Variants in YBEY observed in about 807,000 individuals in gnomAD.
YBEY encodes the protein endoribonuclease YbeY.
A neutral mutation model predicts 13.5 loss-of-function variants in YBEY; 15 were observed. The ratio of observed to expected loss-of-function variants is 1.11; its 90% confidence interval spans 0.75 to 1.72. YBEY has a LOEUF of 1.72. Ranked by LOEUF, YBEY falls within the 40% of genes most tolerant of loss-of-function variation. YBEY has a pLI of 0.00. For synonymous variants in YBEY, 101 were observed against 83.1 expected, an observed-to-expected ratio of 1.21 and a Z score of -1.17; for missense variants, 244 against 208.4, an observed-to-expected ratio of 1.17 and a Z score of -1.05.
At chr21:46,288,150 T>C (rs919144560) in intron 2 of YBEY, among the ~76,000 whole-genome samples, 2 of 152,224 alleles carry the variant, frequency 1.3e-5, no homozygotes, top group Non-Finnish European at 2.9e-5. Context: ...TTAATGAATA[T>C]GTGCACATTG....
At chr21:46,295,605 C>G (rs1337386335) in intron 3 of YBEY, among the ~76,000 whole-genome samples, 4 of 152,042 alleles carry the variant, frequency 2.6e-5, no homozygotes, top group Non-Finnish European at 5.9e-5. Context: ...TCCTGACTCA[C>G]CAGCAGCTGC....
At chr21:46,307,448 CCA>C in the YBEY span, among the ~76,000 whole-genome samples, 1,234 of 151,972 alleles carry the variant, frequency 8.1e-3, 19 homozygotes, top group African/African-American at 0.028. Flanking sequence ...ACACACACAC[CCA>C]CACACACACC....
chr21:46,304,800 C>T, the YBEY span, among the ~76,000 whole-genome samples: 7,428 of 152,212 alleles, frequency 0.049, 262 homozygotes, highest in Non-Finnish European at 0.072. Flanking sequence ...GAATCTTGAG[C>T]GGGGACGGAA....
In YBEY at chr21:46,287,237, C is replaced by G. The variant is rs1459682630; in HGVS notation, c.210+114C>G. ...TTGAGACGGAGTCTTGCTCTGTCACCCAGGCTGGAGTGCAGTGGTGCGATC... is the reference window on the plus strand; with the variant it reads ...TTGAGACGGAGTCTTGCTCTGTCACGCAGGCTGGAGTGCAGTGGTGCGATC... On this transcript the variant is annotated intron_variant, in intron 2 of 4. Coordinates refer to ENST00000397701, the MANE Select transcript of YBEY (RefSeq NM_001314025.2). 3 of 1,084,546 alleles carry G rather than the reference C, an allele frequency of 2.8e-6. No homozygotes were observed. In the African/African-American group the frequency reaches 4.7e-5, roughly 17 times the overall value. 67.2% of individuals were successfully genotyped at this position (1,084,546 alleles called of 1,614,324 possible). A position where few individuals can be genotyped will look rare whatever the true frequency, so the allele number is the denominator to read the frequency against.
chr21:46,306,130 C>T, the YBEY span, among the ~76,000 whole-genome samples: 2 of 151,314 alleles, frequency 1.3e-5, no homozygotes, highest in Non-Finnish European at 2.9e-5. Context: ...TGGGCAAGCC[C>T]AGTGCAATCA....
chr21:46,302,072 T>TGGTGGTGGTGG, downstream of YBEY: 1 of 1,237,840 alleles, frequency 8.1e-7, no homozygotes, highest in Non-Finnish European at 1.1e-6. Context: ...CCACACAGCA[T>TGGTGGTGGTGG]GGTGGTGGTG....
At chr21:46,291,560 T>C in intron 3 of YBEY, 98 bp downstream of exon 3, 6 of 1,554,986 alleles carry the variant, frequency 3.9e-6, no homozygotes, top group Non-Finnish European at 5.2e-6. Context: ...TGTCCGTGGG[T>C]ACCGTAAGGG....
At chr21:46,292,809 C>CTT (rs1569099371) in intron 3 of YBEY, among the ~76,000 whole-genome samples, 32 of 103,242 alleles carry the variant, frequency 3.1e-4, no homozygotes, top group African/African-American at 1.4e-3. Context: ...ATTCCTCCCG[C>CTT]GGTTAGCCTG....
At chr21:46,287,183 GTTT>G in intron 2 of YBEY, 60 bp downstream of exon 2, 2 of 1,384,094 alleles carry the variant, frequency 1.4e-6, no homozygotes, top group Non-Finnish European at 2.0e-6. Flanking sequence ...ATTTCCTGTC[GTTT>G]TGTTTTGTTT....
chr21:46,303,416 G>A, the YBEY span, among the ~76,000 whole-genome samples: 1 of 151,416 alleles, frequency 6.6e-6, no homozygotes, highest in Non-Finnish European at 1.5e-5. Context: ...CAAGAAGGAT[G>A]GAACACTCAA....
At chr21:46,304,391 G>T in the YBEY span, among the ~76,000 whole-genome samples, 1 of 151,808 alleles carries the variant, frequency 6.6e-6, no homozygotes, top group African/African-American at 2.4e-5. Context: ...GGAGGCTGAG[G>T]TGGGAGGAGT....
chr21:46,286,850 C>G lies in YBEY; in HGVS notation c.-44-20C>G. On this transcript the variant is annotated intron_variant, in intron 1 of 4. Coordinates refer to ENST00000397701, the MANE Select transcript of YBEY (RefSeq NM_001314025.2). ...ATTATCACTTGTACTGATTGGTCTT[C>G]TCTTACACTTTAACCCCAGGTTCCG... is the stretch of plus-strand genomic sequence containing the variant. The G allele has an allele frequency of 1.3e-6, 2 of 1,509,768 alleles. No homozygotes were observed. The highest frequency in any genetic ancestry group is 1.8e-6 in the Non-Finnish European group (2 of 1,091,542). 93.5% of individuals were successfully genotyped at this position (1,509,768 alleles called of 1,614,324 possible).
At chr21:46,305,391 G>A in the YBEY span, among the ~76,000 whole-genome samples, 3 of 140,316 alleles carry the variant, frequency 2.1e-5, no homozygotes, top group African/African-American at 8.1e-5. Flanking sequence ...ACGCCTTGGT[G>A]TGAACACAGC....
intron 1 of YBEY, 60 bp from the exon 2 acceptor site, chr21:46,286,810 A>C: frequency 1.9e-6 from 2 of 1,029,154 alleles, no homozygotes; most frequent in Non-Finnish European, 2.9e-6. Context: ...GTGCATCTGT[A>C]TTTTTACAGA....
chr21:46,286,660 G>A (rs2081447556), intron 1 of YBEY: 1 of 176,480 alleles, frequency 5.7e-6, no homozygotes, highest in Non-Finnish European at 1.1e-5. Context: ...CGCTCCTTCC[G>A]CTCCGCCCGC....
At position 46,291,491 on chromosome 21, in the gene YBEY, C is replaced by G. The variant is rs773897078; in HGVS notation, c.339+29C>G. 6 of 1,612,214 alleles carry G rather than the reference C, an allele frequency of 3.7e-6. No individual in the cohort carries two copies. The Admixed American group carries it at 8.4e-5, about 23-fold the overall frequency. On this transcript the variant is annotated intron_variant, in intron 3 of 4. Transcript: ENST00000397701. ...AGCGGGGATGCTGAAATCATATAACCTGGCTCATGGAACATGGGCCTTGCA... is the reference window on the plus strand; with the variant it reads ...AGCGGGGATGCTGAAATCATATAACGTGGCTCATGGAACATGGGCCTTGCA...
chr21:46,294,709 C>T (rs1017584200), intron 3 of YBEY, among the ~76,000 whole-genome samples: 3 of 152,058 alleles, frequency 2.0e-5, no homozygotes, highest in African/African-American at 7.3e-5. Flanking sequence ...CACCCCAGAC[C>T]TCTCTCACTG....
At position 46,286,924 on chromosome 21, in the gene YBEY, T is replaced by A; in HGVS notation, c.11T>A (p.Val4Glu). MSL[V>E]IRNLQRVIPI... ...GTTATTCTTCCTGAAATGAGTTTGG[T>A]GATTAGAAATCTGCAGCGAGTCATC... Residue 4 changes from valine (V) to glutamate (E), a missense_variant, in exon 2 of 5, where the codon GTG becomes GAG. Val to Glu is a moderately radical substitution (Grantham distance 121, BLOSUM62 -2). Coordinates refer to ENST00000397701, the MANE Select transcript of YBEY (RefSeq NM_001314025.2). 6.2e-7 allele frequency: 1 copy of A among 1,613,884 alleles called. No individual in the cohort carries two copies. Among genetic ancestry groups the A allele is most frequent in the South Asian group, 1.1e-5 (1 of 90,990 alleles).
rs58271568 is a variant in YBEY, at chr21:46,287,125, TAAA to T, written c.210+10_210+12del. 1.3e-6 allele frequency: 2 copies of T among 1,508,940 alleles called. No homozygotes were observed. Among genetic ancestry groups the T allele is most frequent in the African/African-American group, 2.8e-5 (2 of 70,324 alleles). 93.5% of individuals were successfully genotyped at this position (1,508,940 alleles called of 1,614,324 possible). On this transcript the variant is annotated splice_donor_5th_base_variant and intron_variant, in intron 2 of 4. Coordinates refer to ENST00000397701, the MANE Select transcript of YBEY (RefSeq NM_001314025.2). The stretch of plus-strand genomic sequence containing the variant: ...GTGCTTTCTTTTCCATTTCATGAGG[TAAA>T]AAAAAAATGTTCCTCTTCTTGTCTA...
Sources: allele counts gnomAD v4.1 joint callset (sites outside exome capture counted in the v4.1 genomes callset), GRCh38; gene constraint gnomAD v4.1.1; transcripts MANE v1.5; gene names NCBI Gene and HGNC (gene_info 2026-07-23, HGNC 2026-07-21).